The following TMEM121 variants were observed in gnomAD, a reference collection of about 807,000 sequenced individuals.
TMEM121 encodes the protein transmembrane protein 121.
TMEM121 carries 8 observed loss-of-function variants against 16.4 expected under a neutral mutation model. The ratio of observed to expected loss-of-function variants is 0.49; its 90% confidence interval spans 0.29 to 0.88. The LOEUF is 0.88. Among genes scored for constraint, TMEM121 ranks in the 40% least tolerant of loss-of-function variants. The pLI, the probability that TMEM121 is intolerant of heterozygous loss-of-function variation, is 0.09. For missense variants in TMEM121, 401 were observed against 462.0 expected (o/e 0.87, Z 1.21); for synonymous variants, 235 against 226.2 (o/e 1.04, Z -0.35).
Position 105,529,460 on chromosome 14 carries a change from T to C in TMEM121, c.626T>C (p.Ile209Thr). 6.5e-7 allele frequency: 1 copy of C among 1,546,444 alleles called. No individual in the cohort carries two copies. Among genetic ancestry groups the C allele is most frequent in the Admixed American group, 2.0e-5 (1 of 51,012 alleles). The stretch of plus-strand genomic sequence containing the variant: ...GAGGTCAGCATGCAGGGCGAGCACA[T>C]AGCGCCGCAGAAGATGATGCTGTAC... Reference protein sequence around the residue: ...LSEVSMQGEHIAPQKMMLYPV... With the variant: ...LSEVSMQGEHTAPQKMMLYPV... Residue 209 changes from isoleucine (I) to threonine (T), a missense_variant, in exon 2 of 2, where the codon ATA (isoleucine) becomes ACA (threonine). Physicochemically the swap from Ile to Thr is moderately conservative, Grantham distance 89 (BLOSUM62 -1). Coordinates refer to ENST00000392519, the MANE Select transcript of TMEM121 (RefSeq NM_025268.4).
At chr14:105,528,651 C>CG (rs1187132067) in intron 1 of TMEM121, 71 bp from the exon 2 acceptor site, 22 of 306,940 alleles carry the variant, frequency 7.2e-5, no homozygotes, top group Non-Finnish European at 8.9e-5. Flanking sequence ...ACGCGGGGTG[C>CG]GGGGGGCGGG....
At position 105,528,793 on chromosome 14, in the gene TMEM121, G is replaced by A; in HGVS notation, c.-42G>A. ...GCCGCAGGGCCTCGTCCCGCCAGGCGTGGGGGCCGCGCGCGCCCAGGCCGG... is the reference window on the plus strand; with the variant it reads ...GCCGCAGGGCCTCGTCCCGCCAGGCATGGGGGCCGCGCGCGCCCAGGCCGG... On this transcript the variant is annotated 5_prime_UTR_variant, in exon 2 of 2. The change creates a new upstream start codon in the 5' untranslated region. Transcript: ENST00000392519. 2.2e-6 allele frequency: 3 copies of A among 1,340,110 alleles called. No individual in the cohort carries two copies. Among genetic ancestry groups the A allele is most frequent in the Non-Finnish European group, 1.9e-6 (2 of 1,053,680 alleles). The allele number at this position is 1,340,110 out of a possible 1,614,324, so 83.0% of individuals were successfully genotyped here. A position where few individuals can be genotyped will look rare whatever the true frequency, so the allele number is the denominator to read the frequency against.
In TMEM121 at chr14:105,529,857, C is replaced by A; in HGVS notation, c.*63C>A. The A allele has an allele frequency of 7.4e-7, 1 of 1,350,814 alleles. No homozygotes were observed. Among genetic ancestry groups the A allele is most frequent in the Non-Finnish European group, 9.5e-7 (1 of 1,051,610 alleles). The allele number at this position is 1,350,814 out of a possible 1,614,324, so 83.7% of individuals were successfully genotyped here. On this transcript the variant is annotated 3_prime_UTR_variant, in exon 2 of 2. Coordinates refer to ENST00000392519, the MANE Select transcript of TMEM121 (RefSeq NM_025268.4). ...AGAGACACCGGGTTGGCTTGGGGCG[C>A]GCGGTTTGCATGGGATGGGGTGGGG...
In TMEM121 at chr14:105,529,639, C is replaced by G. The variant is rs1555444317; in HGVS notation, c.805C>G (p.Arg269Gly). Residue 269 changes from arginine (R) to glycine (G), a missense_variant, in exon 2 of 2, where the codon CGC becomes GGC. Transcript: ENST00000392519. ...GGCCTGCACCTTCCTGGAGTACCGC[C>G]GCCAGGTGCGCGACTTCCCGCCGCC... ...TKACTFLEYR[R>G]QVRDFPPPAL... 6.3e-7 allele frequency: 1 copy of G among 1,579,374 alleles called. No individual in the cohort carries two copies. Among genetic ancestry groups the G allele is most frequent in the East Asian group, 2.3e-5 (1 of 43,486 alleles).
In TMEM121 at chr14:105,529,642, C is replaced by T; in HGVS notation, c.808C>T (p.Gln270Ter). Reference protein sequence around the residue: ...KACTFLEYRRQVRDFPPPALS... With the variant: ...KACTFLEYRR ...CTGCACCTTCCTGGAGTACCGCCGC[C>T]AGGTGCGCGACTTCCCGCCGCCTGC... Residue 270 changes from glutamine to a stop codon, truncating the protein, a stop_gained, in exon 2 of 2, where the codon CAG (glutamine) becomes TAG (stop). Transcript: ENST00000392519. LOFTEE classifies it high-confidence loss of function. 6.3e-7 allele frequency: 1 copy of T among 1,579,468 alleles called. No individual in the cohort carries two copies. The highest frequency in any genetic ancestry group is 8.5e-7 in the Non-Finnish European group (1 of 1,171,532).
chr14:105,526,636 G>T lies in TMEM121; in HGVS notation c.-131G>T, dbSNP rs2084589823. On this transcript the variant is annotated 5_prime_UTR_variant, in exon 1 of 2. Transcript: ENST00000392519. This position sits in a 1 kb window ranked among gnomAD's most constrained non-coding sequence, Gnocchi z 6.8. ...GGCGGGCGGGCCCGGGAGCGGCGCAGCATCTGCGGGCGGCGGGGTAGGCGC... is the reference window on the plus strand; with the variant it reads ...GGCGGGCGGGCCCGGGAGCGGCGCATCATCTGCGGGCGGCGGGGTAGGCGC... 6.8e-6 allele frequency: 1 copy of T among 147,712 alleles called. No individual in the cohort carries two copies. The highest frequency in any genetic ancestry group is 2.5e-5 in the African/African-American group (1 of 40,574). 9.2% of individuals were successfully genotyped at this position (147,712 alleles called of 1,614,324 possible). A position where few individuals can be genotyped will look rare whatever the true frequency, so the allele number is the denominator to read the frequency against.
In TMEM121 at chr14:105,529,602, G is replaced by A. The variant is rs587671576; in HGVS notation, c.768G>A (p.Ala256=). The A allele has an allele frequency of 1.4e-4, 222 of 1,573,776 alleles. 3 individuals carry two copies. The South Asian group carries it at 2.5e-3, about 18-fold the overall frequency. ...TCTTCGTCGGCAAAAACGTGGTGGC[G>A]CTCGCCACCAAGGCCTGCACCTTCC... The part of the protein sequence containing the change: ...SAIFVGKNVV[A]LATKACTFLE... Residue 256 remains alanine, a synonymous_variant, in exon 2 of 2, where the codon GCG becomes GCA. Coordinates refer to ENST00000392519, the MANE Select transcript of TMEM121 (RefSeq NM_025268.4).
Position 105,526,750 on chromosome 14 carries a change from C to T in TMEM121, c.-114+97C>T, listed in dbSNP as rs1171005204. On this transcript the variant is annotated intron_variant, in intron 1 of 1. Coordinates refer to ENST00000392519, the MANE Select transcript of TMEM121 (RefSeq NM_025268.4). The surrounding 1 kb of genome is among the most constrained non-coding windows in gnomAD (Gnocchi z 6.8). Reference sequence around the variant, plus strand: ...ACCCTGCACCTCTGGGCCGTGGGGACTGTGGGGTGGGGCGGGGGCCGATGC... The same window carrying T: ...ACCCTGCACCTCTGGGCCGTGGGGATTGTGGGGTGGGGCGGGGGCCGATGC... 2 of 85,404 alleles carry T rather than the reference C, an allele frequency of 2.3e-5. No homozygotes were observed. Among genetic ancestry groups the T allele is most frequent in the African/African-American group, 9.1e-5 (2 of 21,892 alleles). The allele number at this position is 85,404 out of a possible 1,614,324, so 5.3% of individuals were successfully genotyped here. A position where few individuals can be genotyped will look rare whatever the true frequency, so the allele number is the denominator to read the frequency against.
rs1555444069 is a variant in TMEM121 at position 105,528,809 on chromosome 14, C to T, written c.-26C>T. 2.9e-6 allele frequency: 4 copies of T among 1,382,736 alleles called. No individual in the cohort carries two copies. In the South Asian group the frequency reaches 7.0e-5, roughly 24 times the overall value. 85.7% of individuals were successfully genotyped at this position (1,382,736 alleles called of 1,614,324 possible). On this transcript the variant is annotated 5_prime_UTR_variant, in exon 2 of 2. Transcript: ENST00000392519. ...CCGCCAGGCGTGGGGGCCGCGCGCG[C>T]CCAGGCCGGGGCCCGGCGGCCGACC...
rs1233644567 is a variant in TMEM121 at position 105,528,855 on chromosome 14, C to T, written c.21C>T (p.Asp7=). The change falls in exon 2 of 2, where the codon GAC becomes GAT. Residue 7 remains aspartate (D), a synonymous_variant. Coordinates refer to ENST00000392519, the MANE Select transcript of TMEM121 (RefSeq NM_025268.4). The part of the protein sequence containing the change: MVLPPP[D]RRHVCLTTLV... Reference sequence around the variant, plus strand: ...CGACCATGGTGCTGCCGCCCCCGGACCGGCGCCACGTGTGCCTGACCACGC... The same window carrying T: ...CGACCATGGTGCTGCCGCCCCCGGATCGGCGCCACGTGTGCCTGACCACGC... 6.5e-7 allele frequency: 1 copy of T among 1,539,980 alleles called. No homozygotes were observed. The highest frequency in any genetic ancestry group is 8.8e-7 in the Non-Finnish European group (1 of 1,142,364).
chr14:105,528,620 A>T, intron 1 of TMEM121, 102 bp from the exon 2 acceptor site: 1 of 266,912 alleles, frequency 3.7e-6, no homozygotes, highest in Non-Finnish European at 5.9e-6. Context: ...CCCGGCGCGG[A>T]GACCGCGCCT....
At position 105,528,853 on chromosome 14, in the gene TMEM121, G is replaced by C. The variant is rs1555444092; in HGVS notation, c.19G>C (p.Asp7His). ...GCCGACCATGGTGCTGCCGCCCCCGGACCGGCGCCACGTGTGCCTGACCAC... is the reference window on the plus strand; with the variant it reads ...GCCGACCATGGTGCTGCCGCCCCCGCACCGGCGCCACGTGTGCCTGACCAC... Reference protein sequence around the residue: MVLPPPDRRHVCLTTLV... With the variant: MVLPPPHRRHVCLTTLV... Residue 7 changes from aspartate (D) to histidine (H), a missense_variant, in exon 2 of 2, where the codon GAC becomes CAC. Asp to His is a moderately conservative substitution (Grantham distance 81). Coordinates refer to ENST00000392519, the MANE Select transcript of TMEM121 (RefSeq NM_025268.4). 3 of 1,539,486 alleles carry C rather than the reference G, an allele frequency of 1.9e-6. No homozygotes were observed. The highest frequency in any genetic ancestry group is 1.4e-5 in the African/African-American group (1 of 72,652).
In TMEM121 at chr14:105,529,187, C is replaced by CTG; in HGVS notation, c.362_363dup (p.Pro122CysfsTer89). 6.3e-7 allele frequency: 1 copy of CTG among 1,585,752 alleles called. No individual in the cohort carries two copies. Reference sequence around the variant, plus strand: ...CGCAAGGCGCTGACGCTGCTGCTGTCTGTGTGTGTGCCCGGCCTGTTCCTG... The same window carrying CTG: ...CGCAAGGCGCTGACGCTGCTGCTGTCTGTGTGTGTGTGCCCGGCCTGTTCCTG... On this transcript the variant is annotated frameshift_variant, in exon 2 of 2. Coordinates refer to ENST00000392519, the MANE Select transcript of TMEM121 (RefSeq NM_025268.4). LOFTEE classifies it high-confidence loss of function.
chr14:105,529,707 C>T lies in TMEM121; in HGVS notation c.873C>T (p.Asn291=). 11 of 1,517,974 alleles carry T rather than the reference C, an allele frequency of 7.2e-6. No homozygotes were observed. Among genetic ancestry groups the T allele is most frequent in the Non-Finnish European group, 9.6e-6 (11 of 1,144,952 alleles). 94.0% of individuals were successfully genotyped at this position (1,517,974 alleles called of 1,614,324 possible). A position where few individuals can be genotyped will look rare whatever the true frequency, so the allele number is the denominator to read the frequency against. The change falls in exon 2 of 2, where the codon AAC becomes AAT. Residue 291 remains asparagine, a synonymous_variant. Coordinates refer to ENST00000392519, the MANE Select transcript of TMEM121 (RefSeq NM_025268.4). ...LELQPPPPQR[N]SVPPPPPPLH... is the part of the protein sequence containing the mutation. Reference sequence around the variant, plus strand: ...TGCAGCCGCCACCCCCGCAGCGCAACTCGGTGCCGCCGCCGCCGCCGCCGC... The same window carrying T: ...TGCAGCCGCCACCCCCGCAGCGCAATTCGGTGCCGCCGCCGCCGCCGCCGC...
At position 105,528,772 on chromosome 14, in the gene TMEM121, C is replaced by T; in HGVS notation, c.-63C>T. 1 of 1,234,380 alleles carries T rather than the reference C, an allele frequency of 8.1e-7. No homozygotes were observed. Among genetic ancestry groups the T allele is most frequent in the Non-Finnish European group, 1.0e-6 (1 of 992,508 alleles). 76.5% of individuals were successfully genotyped at this position (1,234,380 alleles called of 1,614,324 possible). A position where few individuals can be genotyped will look rare whatever the true frequency, so the allele number is the denominator to read the frequency against. ...CGCCATGCCCGCTGGCTGAGCGCCG[C>T]AGGGCCTCGTCCCGCCAGGCGTGGG... is the stretch of plus-strand genomic sequence containing the variant. On this transcript the variant is annotated 5_prime_UTR_variant, in exon 2 of 2. Transcript: ENST00000392519.
In TMEM121 at chr14:105,529,459, A is replaced by T. The variant is rs373008663; in HGVS notation, c.625A>T (p.Ile209Leu). 17 of 1,546,304 alleles carry T rather than the reference A, an allele frequency of 1.1e-5. No individual in the cohort carries two copies. In the African/African-American group the frequency reaches 2.2e-4, roughly 20 times the overall value. Residue 209 changes from isoleucine (I) to leucine (L), a missense_variant, in exon 2 of 2, where the codon ATA (isoleucine) becomes TTA (leucine). Ile to Leu is a conservative substitution (Grantham distance 5). Transcript: ENST00000392519. ...CGAGGTCAGCATGCAGGGCGAGCAC[A>T]TAGCGCCGCAGAAGATGATGCTGTA... ...LSEVSMQGEHIAPQKMMLYPV... is the reference protein window; with the variant it reads ...LSEVSMQGEHLAPQKMMLYPV...
In TMEM121 at chr14:105,529,840, CG is replaced by C. The variant is rs1763454727; in HGVS notation, c.*49del. 1 of 1,370,600 alleles carries C rather than the reference CG, an allele frequency of 7.3e-7. No homozygotes were observed. The highest frequency in any genetic ancestry group is 3.9e-5 in the Admixed American group (1 of 25,816). The allele number at this position is 1,370,600 out of a possible 1,614,324, so 84.9% of individuals were successfully genotyped here. ...ACACGCCCCTGGGGCGCAGAGACAC[CG>C]GGTTGGCTTGGGGCGCGCGGTTTGC... On this transcript the variant is annotated 3_prime_UTR_variant, in exon 2 of 2. Transcript: ENST00000392519.
At position 105,526,777 on chromosome 14, in the gene TMEM121, G is replaced by T. The variant is rs587739439; in HGVS notation, c.-114+124G>T. On this transcript the variant is annotated intron_variant, in intron 1 of 1. Coordinates refer to ENST00000392519, the MANE Select transcript of TMEM121 (RefSeq NM_025268.4). The surrounding 1 kb of genome is among the most constrained non-coding windows in gnomAD (Gnocchi z 6.8). Reference sequence around the variant, plus strand: ...GTGGGGTGGGGCGGGGGCCGATGCGGCAGGGGTGAGGCCTGGGGCCGGCGG... The same window carrying T: ...GTGGGGTGGGGCGGGGGCCGATGCGTCAGGGGTGAGGCCTGGGGCCGGCGG... 2.0e-5 allele frequency: 3 copies of T among 149,712 alleles called. No individual in the cohort carries two copies. Among genetic ancestry groups the T allele is most frequent in the Non-Finnish European group, 3.0e-5 (2 of 67,114 alleles). 9.3% of individuals were successfully genotyped at this position (149,712 alleles called of 1,614,324 possible). A position where few individuals can be genotyped will look rare whatever the true frequency, so the allele number is the denominator to read the frequency against.
chr14:105,528,966 C>A lies in TMEM121; in HGVS notation c.132C>A (p.Ile44=). The A allele has an allele frequency of 3.1e-6, 5 of 1,610,840 alleles. No homozygotes were observed. The highest frequency in any genetic ancestry group is 4.2e-6 in the Non-Finnish European group (5 of 1,178,876). Residue 44 remains isoleucine (I), a synonymous_variant, in exon 2 of 2, where the codon ATC becomes ATA. Coordinates refer to ENST00000392519, the MANE Select transcript of TMEM121 (RefSeq NM_025268.4). ...QGPRKIGVCI[I]VLVGDVCFLL... ...CGCGCAAGATCGGCGTGTGCATCAT[C>A]GTGCTGGTGGGCGACGTGTGCTTCC... is the stretch of plus-strand genomic sequence containing the variant.
Sources: gnomAD v4.1 joint callset for allele counts on GRCh38, gnomAD v4.1.1 for gene constraint, Gnocchi (gnomAD v3.1) non-coding constraint, MANE v1.5 for transcripts, NCBI Gene and HGNC (gene_info 2026-07-23, HGNC 2026-07-21) for gene names.